CCDC7: variants seen among roughly 807,000 people sequenced by gnomAD.
CCDC7 encodes coiled-coil domain-containing protein 7.
Under a neutral mutation model 196.9 loss-of-function variants are expected in CCDC7, and 183 were observed. That is an observed-to-expected ratio of 0.93 (90% CI 0.82 to 1.05). The LOEUF (loss-of-function observed/expected upper bound fraction) is 1.05, where lower values mean the gene tolerates loss of function less well. CCDC7 is among the 50% of genes least tolerant of loss of function. CCDC7 has a pLI of 0.00. For missense variants in CCDC7, 1,540 were observed against 1,482.2 expected, an observed-to-expected ratio of 1.04 and a Z score of -0.64; for synonymous variants, 525 against 484.6, an observed-to-expected ratio of 1.08 and a Z score of -1.10.
chr10:32,712,659 C>T (rs1253510738), intron 25 of CCDC7, among the ~76,000 whole-genome samples: 3 of 152,140 alleles, frequency 2.0e-5, no homozygotes, highest in Non-Finnish European at 2.9e-5. Context: ...TTTATTGTAA[C>T]CTATCCTACA....
chr10:32,631,286 T>G (rs1160772120), intron 18 of CCDC7, among the ~76,000 whole-genome samples: 2 of 152,220 alleles, frequency 1.3e-5, no homozygotes, highest in Non-Finnish European at 2.9e-5. Context: ...TTTTATAGTT[T>G]TAACTCTTAA....
At chr10:32,552,688 C>A (rs955274656) in intron 13 of CCDC7, among the ~76,000 whole-genome samples, 2 of 152,078 alleles carry the variant, frequency 1.3e-5, no homozygotes, top group Admixed American at 6.6e-5. Flanking sequence ...TGCTTAGTTT[C>A]GCTAGATACA....
intron 18 of CCDC7, among the ~76,000 whole-genome samples, chr10:32,633,048 C>T (rs2065092210): frequency 6.6e-6 from 1 of 152,100 alleles, no homozygotes; most frequent in Non-Finnish European, 1.5e-5. Context: ...ATGTTAAAGT[C>T]TCCACCTATG....
intron 25 of CCDC7, among the ~76,000 whole-genome samples, chr10:32,712,411 G>A (rs1320183057): frequency 1.3e-5 from 2 of 152,162 alleles, no homozygotes; most frequent in Non-Finnish European, 2.9e-5. Flanking sequence ...AATTTCACTT[G>A]GGTTTTAGGT....
intron 5 of CCDC7, 126 bp from the exon 7 acceptor site, chr10:32,470,938 G>T: frequency 1.2e-6 from 1 of 843,162 alleles, no homozygotes; most frequent in African/African-American, 1.7e-5. Context: ...TCATTACTTG[G>T]CTATAGCTAT....
At chr10:32,596,002 A>T (rs141751151) in intron 18 of CCDC7, among the ~76,000 whole-genome samples, 7,865 of 152,248 alleles carry the variant, frequency 0.052, 674 homozygotes, top group African/African-American at 0.18. Flanking sequence ...TGTGGTGCTG[A>T]GAAGAATGTA....
In CCDC7 at chr10:32,524,923, A is replaced by C. The variant is rs2048422540; in HGVS notation, c.993+6418A>C. 2.0e-5 allele frequency among the ~76,000 whole-genome samples: 3 copies of C among 152,014 alleles called. No homozygotes were observed. The South Asian group carries it at 6.2e-4, about 32-fold the overall frequency. On this transcript the variant is annotated intron_variant, in intron 11 of 41. Transcript: ENST00000639629. ...TACTGGAATGTTGATATATTTCTCT[A>C]GGTTTGGGAAGTTGTTTGATATTAT...
At chr10:32,618,327 G>T (rs774378445) in intron 18 of CCDC7, among the ~76,000 whole-genome samples, 3 of 151,512 alleles carry the variant, frequency 2.0e-5, no homozygotes, top group Non-Finnish European at 4.4e-5. Context: ...TTTGTGGTTT[G>T]ATGAAATTCT....
At chr10:32,656,486 A>C (rs2140273553) in intron 20 of CCDC7, among the ~76,000 whole-genome samples, 1 of 152,330 alleles carries the variant, frequency 6.6e-6, no homozygotes, top group African/African-American at 2.4e-5. Context: ...GGGGAAGCAA[A>C]CACATCCTTC....
At chr10:32,634,412 T>G (rs1590874673) in intron 19 of CCDC7, 48 bp downstream of exon 20, 1 of 862,104 alleles carries the variant, frequency 1.2e-6, no homozygotes, top group East Asian at 3.4e-5. Flanking sequence ...ATTTTTATTT[T>G]TTGAGATGGA....
chr10:32,533,287 A>G (rs2049985905), intron 11 of CCDC7, among the ~76,000 whole-genome samples: 1 of 148,904 alleles, frequency 6.7e-6, no homozygotes. Context: ...ACAATTCTAC[A>G]CTTTAACTTC....
chr10:32,821,900 T>C (rs1372402255), intron 31 of CCDC7, among the ~76,000 whole-genome samples: 1 of 152,038 alleles, frequency 6.6e-6, no homozygotes, highest in African/African-American at 2.4e-5. Context: ...ACATGGCACA[T>C]GTATACATAT....
intron 3 of CCDC7, among the ~76,000 whole-genome samples, chr10:32,459,608 A>G (rs980465263): frequency 9.5e-5 from 14 of 148,102 alleles, no homozygotes; most frequent in Non-Finnish European, 1.8e-4. Context: ...GAGTTCTAAC[A>G]AAATTGGAGC....
At chr10:32,464,100 A>G (rs972214228) in intron 5 of CCDC7, among the ~76,000 whole-genome samples, 2 of 152,146 alleles carry the variant, frequency 1.3e-5, no homozygotes, top group Non-Finnish European at 2.9e-5. Flanking sequence ...GTCAATGTAC[A>G]TGACCTATCC....
At chr10:32,833,413 A>G (rs2092376159) in intron 32 of CCDC7, among the ~76,000 whole-genome samples, 2 of 151,992 alleles carry the variant, frequency 1.3e-5, no homozygotes, top group Non-Finnish European at 1.5e-5. Context: ...AAAGAGATGT[A>G]AAGTACTGGG....
intron 33 of CCDC7, among the ~76,000 whole-genome samples, chr10:32,836,404 A>C (rs559985825): frequency 3.9e-5 from 6 of 152,154 alleles, no homozygotes; most frequent in Admixed American, 2.0e-4. Flanking sequence ...AAATATCCAA[A>C]ATATCCAGTT....
intron 41 of CCDC7, among the ~76,000 whole-genome samples, chr10:32,863,058 G>T (rs1190795670): frequency 2.0e-5 from 3 of 151,936 alleles, no homozygotes; most frequent in African/African-American, 7.2e-5. Context: ...AATTAACATT[G>T]TTATGTTCAT....
intron 20 of CCDC7, among the ~76,000 whole-genome samples, chr10:32,650,079 C>A (rs2068468880): frequency 6.6e-6 from 1 of 152,182 alleles, no homozygotes; most frequent in East Asian, 1.9e-4. Flanking sequence ...GGCAAGGCGA[C>A]ATTCTGGCTT....
chr10:32,617,813 T>C (rs961715929), intron 18 of CCDC7, among the ~76,000 whole-genome samples: 4 of 152,020 alleles, frequency 2.6e-5, no homozygotes, highest in Non-Finnish European at 2.9e-5. Context: ...GTCCATTTGG[T>C]CTAAAATCCA....
Sources: gnomAD v4.1 joint callset for allele counts (sites outside exome capture counted in the v4.1 genomes callset) on GRCh38, gnomAD v4.1.1 for gene constraint, MANE v1.5 for transcripts, NCBI Gene and HGNC (gene_info 2026-07-23, HGNC 2026-07-21) for gene names.